Variants in CDK12 observed in about 807,000 individuals in gnomAD.
The protein encoded by CDK12 is cyclin dependent kinase 12, also known as cyclin-dependent kinase 12.
In CDK12, 17 loss-of-function variants were observed where a neutral mutation model predicts 133.8. The observed-to-expected ratio is 0.13, with a 90% confidence interval of 0.09 to 0.19. The LOEUF is 0.19. CDK12 is among the 10% of genes least tolerant of loss of function. CDK12 has a pLI of 1.00. For missense variants in CDK12, 1,508 were observed against 1,818.7 expected (o/e 0.83, Z 3.11); for synonymous variants, 694 against 683.6 (o/e 1.02, Z -0.24).
downstream of CDK12, among the ~76,000 whole-genome samples, chr17:39,537,962 G>T (rs979456383): frequency 5.9e-5 from 9 of 152,122 alleles, no homozygotes; most frequent in Non-Finnish European, 1.3e-4. Context: ...GAGATTCACA[G>T]TTCATTTCAG....
intron 1 of CDK12, among the ~76,000 whole-genome samples, chr17:39,465,092 A>G (rs2049201621): frequency 6.6e-6 from 1 of 151,978 alleles, no homozygotes; most frequent in African/African-American, 2.4e-5. Context: ...TAAAAATATA[A>G]AAAATTAGTT....
chr17:39,482,607 T>TC (rs1377755695), intron 2 of CDK12, among the ~76,000 whole-genome samples: 1 of 129,998 alleles, frequency 7.7e-6, no homozygotes, highest in African/African-American at 2.6e-5. Context: ...ACATTTTTTT[T>TC]TTTTTTTTTT....
downstream of CDK12, among the ~76,000 whole-genome samples, chr17:39,535,346 A>G (rs550103201): frequency 9.2e-5 from 14 of 152,186 alleles, no homozygotes; most frequent in Non-Finnish European, 2.1e-4. Flanking sequence ...ATTAGAAGGA[A>G]GTTGAGTTCA....
Position 39,490,644 on chromosome 17 carries a change from A to G in CDK12, c.2019A>G (p.Pro673=), listed in dbSNP as rs772666091. The change falls in exon 3 of 14, where the codon CCA becomes CCG. Residue 673 remains proline, a synonymous_variant. Transcript: ENST00000447079. ...TACTCACAGACCTTCCTCTCCCTCC[A>G]GAGCTCCCTGGTGGAGATCTGTCTC... is the stretch of plus-strand genomic sequence containing the variant. The part of the protein sequence containing the change: ...RHLLTDLPLP[P]ELPGGDLSPP... 2 of 1,613,722 alleles carry G rather than the reference A, an allele frequency of 1.2e-6. No individual in the cohort carries two copies. The highest frequency in any genetic ancestry group is 1.1e-5 in the South Asian group (1 of 91,078).
At chr17:39,524,515 C>T (rs2054376350) in intron 11 of CDK12, among the ~76,000 whole-genome samples, 159 bp from the exon 12 acceptor site, 1 of 152,206 alleles carries the variant, frequency 6.6e-6, no homozygotes, top group Non-Finnish European at 1.5e-5. Context: ...TTATTTTACA[C>T]TGCTGTTACC....
rs2054790346 is a variant in CDK12, at chr17:39,530,808, C to G, written c.3965C>G (p.Ala1322Gly). The change falls in exon 14 of 14, where the codon GCC (alanine) becomes GGC (glycine). Residue 1322 changes from alanine to glycine, a missense_variant. This residue lies in a region of CDK12 where 399 missense variants were observed against 469.6 expected (regional missense o/e 0.85). Coordinates refer to ENST00000447079, the MANE Select transcript of CDK12 (RefSeq NM_016507.4). ...GGCCACCTGCCACATGAGCACCAGG[C>G]CTTGAGACCAATGGAGTACTCCACC... ...PPGHLPHEHQ[A>G]LRPMEYSTRP... 1.9e-6 allele frequency: 3 copies of G among 1,614,172 alleles called. No individual in the cohort carries two copies. Among genetic ancestry groups the G allele is most frequent in the Non-Finnish European group, 2.5e-6 (3 of 1,180,038 alleles).
intron 9 of CDK12, among the ~76,000 whole-genome samples, chr17:39,517,080 C>T (rs1263034454): frequency 1.3e-5 from 2 of 151,950 alleles, no homozygotes; most frequent in Non-Finnish European, 2.9e-5. Flanking sequence ...CACAGTTTAC[C>T]CTATAGGGAT....
intron 8 of CDK12, among the ~76,000 whole-genome samples, chr17:39,513,541 G>A (rs1387509731): frequency 1.3e-5 from 2 of 152,106 alleles, no homozygotes; most frequent in Admixed American, 6.5e-5. Context: ...TAAAGTTAAC[G>A]CCCCATTAAG....
chr17:39,502,600 T>G (rs576130922), intron 6 of CDK12, among the ~76,000 whole-genome samples: 1 of 152,220 alleles, frequency 6.6e-6, no homozygotes, highest in Non-Finnish European at 1.5e-5. Flanking sequence ...CATGCGACGA[T>G]TGAACACTGG....
chr17:39,485,408 CTTTTTT>C (rs35318849), intron 2 of CDK12, among the ~76,000 whole-genome samples: 2 of 69,836 alleles, frequency 2.9e-5, no homozygotes, highest in Admixed American at 1.8e-4. Flanking sequence ...CATCCCCCCC[CTTTTTT>C]TTTTTTTTTT....
chr17:39,536,783 A>G (rs2055152491), downstream of CDK12, among the ~76,000 whole-genome samples: 1 of 152,198 alleles, frequency 6.6e-6, no homozygotes. Context: ...AGGCTGAGAG[A>G]AAGAGACTGA....
chr17:39,563,124 A>G (rs1335037457), intron 3 of CDK12, among the ~76,000 whole-genome samples: 1 of 151,996 alleles, frequency 6.6e-6, no homozygotes, highest in African/African-American at 2.4e-5. Context: ...GGTAATAACC[A>G]TCTCATTTAC....
Position 39,526,125 on chromosome 17 carries a change from C to G in CDK12, c.3569C>G (p.Pro1190Arg), listed in dbSNP as rs587778177. 2 of 1,614,228 alleles carry G rather than the reference C, an allele frequency of 1.2e-6. No homozygotes were observed. The highest frequency in any genetic ancestry group is 1.7e-6 in the Non-Finnish European group (2 of 1,180,046). ...KEAPSAPVIL[P>R]SAEQTTLEAS... ...GCACCCTCTGCCCCAGTGATCCTGC[C>G]TTCAGCAGAACAGACGACCCTTGAA... Residue 1190 changes from proline to arginine, a missense_variant, in exon 13 of 14, where the codon CCT becomes CGT. Pro to Arg is a moderately radical substitution (Grantham distance 103). Transcript: ENST00000447079.
intron 6 of CDK12, among the ~76,000 whole-genome samples, chr17:39,506,710 G>A (rs900656300): frequency 4.2e-4 from 64 of 152,164 alleles, no homozygotes; most frequent in African/African-American, 1.4e-3. Flanking sequence ...ACGTGAAAGA[G>A]GGCTGAACTG....
intron 9 of CDK12, among the ~76,000 whole-genome samples, chr17:39,516,072 A>G (rs1180368496): frequency 6.6e-6 from 1 of 152,182 alleles, no homozygotes; most frequent in Admixed American, 6.5e-5. Context: ...TGGCTCTTCC[A>G]TTCATAGCTC....
chr17:39,491,265 G>A (rs980475260), intron 3 of CDK12, among the ~76,000 whole-genome samples: 40 of 152,142 alleles, frequency 2.6e-4, no homozygotes, highest in African/African-American at 9.4e-4. Flanking sequence ...AGACAGAGTT[G>A]CGTTCTTTGT....
Position 39,462,791 on chromosome 17 carries a change from T to G in CDK12, c.720T>G (p.Ala240=), listed in dbSNP as rs1256923359. The G allele has an allele frequency of 5.0e-6, 8 of 1,614,196 alleles. No individual in the cohort carries two copies. The change falls in exon 1 of 14, where the codon GCT becomes GCG. Residue 240 remains alanine, a synonymous_variant. Coordinates refer to ENST00000447079, the MANE Select transcript of CDK12 (RefSeq NM_016507.4). ...SSKQDDSPSG[A]SYGQDYDLSP... ...AACAAGATGATAGCCCCTCGGGAGC[T>G]TCTTATGGCCAAGATTATGACCTTA...
chr17:39,471,843 C>T, intron 2 of CDK12, 80 bp downstream of exon 2: 1 of 1,209,466 alleles, frequency 8.3e-7, no homozygotes, highest in Non-Finnish European at 1.2e-6. Context: ...GTCAACACTA[C>T]CCTCATGGTT....
At position 39,463,021 on chromosome 17, in the gene CDK12, G is replaced by A; in HGVS notation, c.950G>A (p.Gly317Asp). ...CGGTCGTCCAGCTACGAAAGAAGTG[G>A]CTCTTACAGCGGGCGATCGCCCAGT... ...RRRSSSYERS[G>D]SYSGRSPSPY... Residue 317 changes from glycine (G) to aspartate (D), a missense_variant, in exon 1 of 14, where the codon GGC becomes GAC. Physicochemically the swap from Gly to Asp is moderately conservative, Grantham distance 94. Around this residue, in one of 9 missense-constraint regions of CDK12, gnomAD observed 460 missense variants for 490.8 expected, o/e 0.94. Coordinates refer to ENST00000447079, the MANE Select transcript of CDK12 (RefSeq NM_016507.4). The A allele has an allele frequency of 6.2e-7, 1 of 1,614,180 alleles. No homozygotes were observed. The highest frequency in any genetic ancestry group is 1.1e-5 in the South Asian group (1 of 91,084).
Sources: allele counts gnomAD v4.1 joint callset (sites outside exome capture counted in the v4.1 genomes callset), GRCh38; gene constraint gnomAD v4.1.1; regional missense constraint gnomAD v4.1.1; transcripts MANE v1.5; gene names NCBI Gene and HGNC (gene_info 2026-07-23, HGNC 2026-07-21).